Variants in ADAM17 observed in about 807,000 individuals in gnomAD.
ADAM17 encodes the protein ADAM metallopeptidase domain 17, also known as disintegrin and metalloproteinase domain-containing protein 17.
Under a neutral mutation model 96.7 loss-of-function variants are expected in ADAM17, and 39 were observed. The ratio of observed to expected loss-of-function variants is 0.40; its 90% CI spans 0.31 to 0.53. ADAM17 has a LOEUF of 0.53. Ranked by LOEUF, ADAM17 falls within the 20% of genes least tolerant of loss-of-function variation. The pLI is 0.44. For missense variants in ADAM17, 777 were observed against 1,013.2 expected (o/e 0.77, Z 3.17); for synonymous variants, 344 against 359.2 (o/e 0.96, Z 0.48).
chr2:9,547,112 T>C (rs1311366391), intron 1 of ADAM17, among the ~76,000 whole-genome samples: 1 of 152,226 alleles, frequency 6.6e-6, no homozygotes, highest in Non-Finnish European at 1.5e-5. Flanking sequence ...TTTTGTTATC[T>C]TTTTTGTCAT....
At chr2:9,536,491 G>C (rs937855917) in intron 3 of ADAM17, among the ~76,000 whole-genome samples, 2 of 152,082 alleles carry the variant, frequency 1.3e-5, no homozygotes, top group African/African-American at 4.8e-5. Context: ...AAACCAGCCA[G>C]CTAGTATGAC....
chr2:9,522,300 A>T, intron 7 of ADAM17: 1 of 483,250 alleles, frequency 2.1e-6, no homozygotes, highest in Non-Finnish European at 3.7e-6. Flanking sequence ...CCTGCATACG[A>T]CATCTCTAGA....
chr2:9,526,565 G>A (rs1664539230), intron 5 of ADAM17, among the ~76,000 whole-genome samples: 1 of 152,164 alleles, frequency 6.6e-6, no homozygotes, highest in Non-Finnish European at 1.5e-5. Context: ...CGAGGCCAAG[G>A]TGGGTGAATC....
Position 9,489,532 on chromosome 2 carries a change from C to A in ADAM17, c.*645G>T, listed in dbSNP as rs932541507. On this transcript the variant is annotated 3_prime_UTR_variant, in exon 19 of 19. Transcript: ENST00000310823. ...AACTGGCTACCATGTATAGCCCTCA[C>A]TGTAAGGTAGGTGGTTAGGTTTCTA... The A allele has an allele frequency of 6.6e-6, 1 of 152,236 alleles. No individual in the cohort carries two copies. The highest frequency in any genetic ancestry group is 1.5e-5 in the Non-Finnish European group (1 of 68,004). 9.4% of individuals were successfully genotyped at this position (152,236 alleles called of 1,614,324 possible). A position where few individuals can be genotyped will look rare whatever the true frequency, so the allele number is the denominator to read the frequency against.
intron 12 of ADAM17, among the ~76,000 whole-genome samples, chr2:9,503,803 A>G (rs1042246431): frequency 6.7e-6 from 1 of 148,450 alleles, no homozygotes; most frequent in Non-Finnish European, 1.5e-5. Flanking sequence ...ACGCCACTGC[A>G]CTCCAGCCTG....
At position 9,536,825 on chromosome 2, in the gene ADAM17, A is replaced by T; in HGVS notation, c.234T>A (p.His78Gln). The change falls in exon 3 of 19, where the codon CAT (histidine) becomes CAA (glutamine). Residue 78 changes from histidine (H) to glutamine (Q), a missense_variant. Coordinates refer to ENST00000310823, the MANE Select transcript of ADAM17 (RefSeq NM_003183.6). Reference protein sequence around the residue: ...TLLTFSALKRHFKLYLTSSTE... With the variant: ...TLLTFSALKRQFKLYLTSSTE... ...TACTTGATGTCAGGTATAATTTAAA[A>T]TGCCTGAAGAAAAATGCATTCATAT... The T allele has an allele frequency of 6.2e-7, 1 of 1,613,596 alleles. No homozygotes were observed. Among genetic ancestry groups the T allele is most frequent in the Admixed American group, 1.7e-5 (1 of 59,982 alleles).
chr2:9,554,044 C>T (rs1665666588), intron 1 of ADAM17, among the ~76,000 whole-genome samples: 1 of 151,930 alleles, frequency 6.6e-6, no homozygotes, highest in South Asian at 2.1e-4. Flanking sequence ...GCCTGGGCAA[C>T]AGAGCAAGAC....
At position 9,535,918 on chromosome 2, in the gene ADAM17, C is replaced by A; in HGVS notation, c.366G>T (p.Glu122Asp). The A allele has an allele frequency of 6.4e-7, 1 of 1,563,018 alleles. No individual in the cohort carries two copies. The change falls in exon 4 of 19, where the codon GAG becomes GAT. Residue 122 changes from glutamate (E) to aspartate (D), a missense_variant. Glu to Asp is a conservative substitution (Grantham distance 45). Around this residue, in one of 3 missense-constraint regions of ADAM17, gnomAD observed 446 missense variants for 664.7 expected, o/e 0.67. Coordinates refer to ENST00000310823, the MANE Select transcript of ADAM17 (RefSeq NM_003183.6). ...TGTGGGCTAGAACCCTAGAGTCAGG[C>A]TCACCTTAAGAGAAAAAAAAAATTA... ...QDFFTGHVVG[E>D]PDSRVLAHIR...
chr2:9,511,232 T>G (rs1335874077), intron 10 of ADAM17, among the ~76,000 whole-genome samples: 9 of 152,142 alleles, frequency 5.9e-5, no homozygotes, highest in Non-Finnish European at 1.3e-4. Flanking sequence ...GTTGATCGCC[T>G]GAGGTCAGGA....
At position 9,488,909 on chromosome 2, in the gene ADAM17, G is replaced by C. The variant is rs544974322; in HGVS notation, c.*1268C>G. ...GGTGAGCACATTTCAGTTCTTAGGG[G>C]AAAAAAAGCTTTTAATGGCAATTTA... On this transcript the variant is annotated 3_prime_UTR_variant, in exon 19 of 19. Transcript: ENST00000310823. 6 of 152,162 alleles carry C rather than the reference G, an allele frequency of 3.9e-5. No homozygotes were observed. In the South Asian group the frequency reaches 1.2e-3, roughly 32 times the overall value. The allele number at this position is 152,162 out of a possible 1,614,324, so 9.4% of individuals were successfully genotyped here. A position where few individuals can be genotyped will look rare whatever the true frequency, so the allele number is the denominator to read the frequency against.
intron 10 of ADAM17, among the ~76,000 whole-genome samples, chr2:9,511,828 A>G (rs1048894333): frequency 6.6e-6 from 1 of 151,650 alleles, no homozygotes; most frequent in Non-Finnish European, 1.5e-5. Flanking sequence ...AAACCTAGCC[A>G]GGCATTGTGG....
chr2:9,537,834 G>A (rs1047254155), intron 2 of ADAM17, among the ~76,000 whole-genome samples: 4 of 146,848 alleles, frequency 2.7e-5, no homozygotes, highest in Admixed American at 6.9e-5. Context: ...ATCTAAGACA[G>A]ACATTAGAAT....
At chr2:9,498,611 G>A (rs1203841201) in intron 13 of ADAM17, among the ~76,000 whole-genome samples, 1 of 152,182 alleles carries the variant, frequency 6.6e-6, no homozygotes. Flanking sequence ...AAACAAAAGT[G>A]ATGGTTTATT....
Position 9,492,998 on chromosome 2 carries a change from T to G in ADAM17, c.1994-12A>C. 1.2e-6 allele frequency: 2 copies of G among 1,601,516 alleles called. No homozygotes were observed. Among genetic ancestry groups the G allele is most frequent in the Non-Finnish European group, 1.7e-6 (2 of 1,172,288 alleles). On this transcript the variant is annotated splice_polypyrimidine_tract_variant and intron_variant, in intron 16 of 18. Transcript: ENST00000310823. ...TGCTAAAAACTTTCCTGTGAACAATTCCAAACAGTTAATGTCTTGACCAAG... is the reference window on the plus strand; with the variant it reads ...TGCTAAAAACTTTCCTGTGAACAATGCCAAACAGTTAATGTCTTGACCAAG...
At chr2:9,525,054 G>A (rs1664461833) in intron 6 of ADAM17, among the ~76,000 whole-genome samples, 1 of 152,146 alleles carries the variant, frequency 6.6e-6, no homozygotes, top group South Asian at 2.1e-4. Context: ...ATAAAACCCA[G>A]ATTAAGAGAG....
At position 9,535,981 on chromosome 2, in the gene ADAM17, A is replaced by G. The variant is rs866530872; in HGVS notation, c.362-59T>C. 94 of 1,161,934 alleles carry G rather than the reference A, an allele frequency of 8.1e-5. No individual in the cohort carries two copies. In the Middle Eastern group the frequency reaches 9.1e-4, roughly 11 times the overall value. 72.0% of individuals were successfully genotyped at this position (1,161,934 alleles called of 1,614,324 possible). On this transcript the variant is annotated intron_variant, in intron 3 of 18. Transcript: ENST00000310823. ...ACTTACATCAAATAAGAAACTATGC[A>G]TTACTCTCAATAAAAATTAAATCCT...
chr2:9,505,230 T>C lies in ADAM17; in HGVS notation c.1480A>G (p.Met494Val), dbSNP rs1038962906. The part of the protein sequence containing the change: ...DEGEECDPGI[M>V]YLNNDTCCNS... ...CAGCAGGTGTCGTTGTTCAGATACA[T>C]GATGCCAGGATCACACTCTTCTCCT... Residue 494 changes from methionine (M) to valine (V), a missense_variant, in exon 12 of 19, where the codon ATG becomes GTG. By Grantham distance (21) the Met-to-Val change is conservative (BLOSUM62 1). Coordinates refer to ENST00000310823, the MANE Select transcript of ADAM17 (RefSeq NM_003183.6). The C allele has an allele frequency of 3.5e-5, 56 of 1,614,092 alleles. No homozygotes were observed. The highest frequency in any genetic ancestry group is 6.6e-5 in the South Asian group (6 of 91,086).
At chr2:9,528,087 T>G (rs1664598461) in intron 4 of ADAM17, 133 bp from the exon 5 acceptor site, 1 of 536,578 alleles carries the variant, frequency 1.9e-6, no homozygotes, top group Admixed American at 4.3e-5. Context: ...GTCATGTTAT[T>G]AAAATAAATA....
At chr2:9,512,770 T>C (rs184356432) in intron 10 of ADAM17, among the ~76,000 whole-genome samples, 221 of 152,266 alleles carry the variant, frequency 1.5e-3, no homozygotes, top group Middle Eastern at 6.8e-3. Context: ...TTCTACACAG[T>C]TGTCATTCGT....
Sources: allele counts gnomAD v4.1 joint callset (sites outside exome capture counted in the v4.1 genomes callset), GRCh38; gene constraint gnomAD v4.1.1; regional missense constraint gnomAD v4.1.1; transcripts MANE v1.5; gene names NCBI Gene and HGNC (gene_info 2026-07-23, HGNC 2026-07-21).